The following PASD1 variants were observed in gnomAD, a reference collection of about 807,000 sequenced individuals.
The protein encoded by PASD1 is PAS domain containing repressor 1.
Under a neutral mutation model 58.8 loss-of-function variants are expected in PASD1, and 13 were observed. The ratio of observed to expected loss-of-function variants is 0.22; its 90% CI spans 0.14 to 0.35. PASD1 has a LOEUF of 0.35. Ranked by LOEUF, PASD1 falls within the 10% of genes least tolerant of loss-of-function variation. PASD1 has a pLI of 1.00. For synonymous variants in PASD1, 236 were observed against 216.7 expected, an observed-to-expected ratio of 1.09 and a Z score of -0.78; for missense variants, 734 against 568.3, an observed-to-expected ratio of 1.29 and a Z score of -2.96.
Position 151,576,719 on chromosome X carries a change from A to G in PASD1, c.-28+12880A>G, listed in dbSNP as rs150739292. 3.0e-3 allele frequency among the ~76,000 whole-genome samples: 337 copies of G among 112,264 alleles called. 3 individuals are homozygous for G. Among genetic ancestry groups the G allele is most frequent in the African/African-American group, 0.01 (310 of 30,908 alleles). ...CACGTGTGTATGTGTACTCAGTTGT[A>G]GAACAGTTGCAAACAGAAATGAACT... On this transcript the variant is annotated intron_variant, in intron 1 of 15. Transcript: ENST00000370357.
At chrX:151,607,592 A>G (rs1224580485) in intron 3 of PASD1, among the ~76,000 whole-genome samples, 4 of 112,047 alleles carry the variant, frequency 3.6e-5, no homozygotes, top group Non-Finnish European at 7.5e-5. Context: ...TCTTAAAACT[A>G]TGTAAAAGGC....
intron 3 of PASD1, among the ~76,000 whole-genome samples, chrX:151,610,755 A>C (rs1436296673): frequency 1.8e-5 from 2 of 111,646 alleles, no homozygotes; most frequent in Non-Finnish European, 3.8e-5. Flanking sequence ...TGAGGGCCAC[A>C]CAGGTAGTAT....
intron 1 of PASD1, among the ~76,000 whole-genome samples, chrX:151,581,766 C>T (rs2013097917): frequency 9.1e-6 from 1 of 109,598 alleles, no homozygotes; most frequent in Non-Finnish European, 1.9e-5. Context: ...AGGAAAAGAG[C>T]AGGATACAGG....
chrX:151,590,449 G>A (rs138539091), intron 1 of PASD1, among the ~76,000 whole-genome samples: 276 of 111,919 alleles, frequency 2.5e-3, no homozygotes, highest in Non-Finnish European at 4.5e-3. Flanking sequence ...CGGCTGTCAG[G>A]TGTAGTAAAA....
chrX:151,622,797 G>A (rs774447525), intron 6 of PASD1, 140 bp from the exon 7 acceptor site: 3 of 603,429 alleles, frequency 5.0e-6, no homozygotes, highest in Admixed American at 3.7e-5. Flanking sequence ...GAAAAGGAAA[G>A]AAGACAGGAA....
intron 9 of PASD1, among the ~76,000 whole-genome samples, chrX:151,658,761 G>C (rs1437022235): frequency 8.9e-6 from 1 of 111,979 alleles, no homozygotes; most frequent in African/African-American, 3.2e-5. Flanking sequence ...AATCACCATG[G>C]GTCTGTGTCT....
At chrX:151,609,290 C>A (rs180750432) in intron 3 of PASD1, among the ~76,000 whole-genome samples, 51 of 111,339 alleles carry the variant, frequency 4.6e-4, no homozygotes, top group East Asian at 4.5e-3. Context: ...TATTATTTGG[C>A]CTATTTTTTT....
chrX:151,587,228 T>TC (rs1410740208), intron 1 of PASD1, among the ~76,000 whole-genome samples: 2 of 88,416 alleles, frequency 2.3e-5, no homozygotes, highest in Non-Finnish European at 4.3e-5. Context: ...GGTTTGCCTT[T>TC]TTTTTTTTTT....
intron 9 of PASD1, among the ~76,000 whole-genome samples, chrX:151,650,524 A>G (rs1238932453): frequency 9.0e-6 from 1 of 111,351 alleles, no homozygotes. Flanking sequence ...ATTCTACTGC[A>G]TACCCTTGGC....
chrX:151,630,654 A>C (rs769282668), intron 8 of PASD1, among the ~76,000 whole-genome samples: 2 of 112,451 alleles, frequency 1.8e-5, no homozygotes, highest in Non-Finnish European at 3.7e-5. Flanking sequence ...GCAATTGTTC[A>C]CAAAGGTCGT....
At chrX:151,633,961 A>G (rs1181144856) in intron 8 of PASD1, among the ~76,000 whole-genome samples, 1 of 112,018 alleles carries the variant, frequency 8.9e-6, no homozygotes, top group Non-Finnish European at 1.9e-5. Context: ...CCATTCCACA[A>G]TATAGTTGCC....
chrX:151,586,592 C>T (rs924047316), intron 1 of PASD1, among the ~76,000 whole-genome samples: 2 of 111,332 alleles, frequency 1.8e-5, no homozygotes, highest in Non-Finnish European at 3.8e-5. Flanking sequence ...ATGTAGTAAT[C>T]TCAGTAAATG....
intron 1 of PASD1, among the ~76,000 whole-genome samples, chrX:151,565,133 C>T (rs113684060): frequency 1.5e-3 from 169 of 112,069 alleles, no homozygotes; most frequent in African/African-American, 5.1e-3. Context: ...CTGTGCTTTT[C>T]TCTAACCTTA....
At chrX:151,600,045 T>C (rs1344341296) in intron 1 of PASD1, among the ~76,000 whole-genome samples, 1 of 112,153 alleles carries the variant, frequency 8.9e-6, no homozygotes, top group Admixed American at 9.4e-5. Context: ...GGCAGATCAC[T>C]CGCGGTCAGG....
intron 1 of PASD1, among the ~76,000 whole-genome samples, chrX:151,595,302 A>G (rs1490521163): frequency 9.0e-6 from 1 of 110,926 alleles, no homozygotes; most frequent in Non-Finnish European, 1.9e-5. Flanking sequence ...CTTTTCCTCT[A>G]CTCTGGCTGG....
At chrX:151,590,197 A>G (rs922717041) in intron 1 of PASD1, among the ~76,000 whole-genome samples, 23 of 112,436 alleles carry the variant, frequency 2.0e-4, no homozygotes, top group Non-Finnish European at 3.2e-4. Flanking sequence ...GACATTTCAC[A>G]TGGAACTGCA....
intron 1 of PASD1, among the ~76,000 whole-genome samples, chrX:151,589,151 T>C (rs111976392): frequency 0.035 from 3,886 of 111,721 alleles, 120 homozygotes; most frequent in African/African-American, 0.096. Context: ...CTGTGTGTTA[T>C]TGGGGACAAT....
chrX:151,588,477 T>A (rs1432607367), intron 1 of PASD1, among the ~76,000 whole-genome samples: 4 of 111,995 alleles, frequency 3.6e-5, no homozygotes, highest in African/African-American at 1.3e-4. Context: ...TCAAACACTT[T>A]CTGGCCATTA....
chrX:151,565,086 G>A (rs2012814985), intron 1 of PASD1, among the ~76,000 whole-genome samples: 1 of 111,988 alleles, frequency 8.9e-6, no homozygotes, highest in Admixed American at 9.4e-5. Flanking sequence ...AACAGAATCA[G>A]GCATCCTGGT....
Sources: gnomAD v4.1 joint callset for allele counts (sites outside exome capture counted in the v4.1 genomes callset) on GRCh38, gnomAD v4.1.1 for gene constraint, MANE v1.5 for transcripts, NCBI Gene and HGNC (gene_info 2026-07-23, HGNC 2026-07-21) for gene names.